The following MAGI2 variants were observed in gnomAD, a reference collection of about 807,000 sequenced individuals.
MAGI2 encodes the protein membrane associated guanylate kinase, WW and PDZ domain containing 2, also known as membrane-associated guanylate kinase, WW and PDZ domain-containing protein 2.
A neutral mutation model predicts 133.3 loss-of-function variants in MAGI2; 35 were observed. The observed-to-expected ratio is 0.26, with a 90% CI of 0.20 to 0.35. MAGI2 has a LOEUF of 0.35. Among genes scored for constraint, MAGI2 ranks in the 10% least tolerant of loss-of-function variants. The pLI is 1.00. For missense variants in MAGI2, 1,636 were observed against 1,863.4 expected (o/e 0.88, Z 2.25); for synonymous variants, 729 against 710.6 (o/e 1.03, Z -0.41).
intron 7 of MAGI2, among the ~76,000 whole-genome samples, chr7:78,364,804 C>T (rs532554133): frequency 2.0e-5 from 3 of 152,294 alleles, no homozygotes; most frequent in Non-Finnish European, 2.9e-5. Flanking sequence ...GTTCAACTCT[C>T]CATTTTGCAT....
chr7:78,400,171 C>G (rs1796727677), intron 6 of MAGI2, among the ~76,000 whole-genome samples: 1 of 152,232 alleles, frequency 6.6e-6, no homozygotes, highest in African/African-American at 2.4e-5. Flanking sequence ...TGTTTGGAAA[C>G]AGTAGGTTCT....
At chr7:78,115,168 G>C (rs1398489296) in intron 20 of MAGI2, among the ~76,000 whole-genome samples, 5 of 152,110 alleles carry the variant, frequency 3.3e-5, no homozygotes, top group Admixed American at 6.5e-5. Flanking sequence ...CTGATTCCTG[G>C]GAACCTTGAG....
At chr7:78,624,137 G>A (rs763910543) in intron 3 of MAGI2, among the ~76,000 whole-genome samples, 23 of 151,940 alleles carry the variant, frequency 1.5e-4, no homozygotes, top group Admixed American at 3.9e-4. Context: ...TGAAGTGTCT[G>A]TTCATGTCAT....
At chr7:78,132,223 A>G (rs1426700221) in intron 18 of MAGI2, among the ~76,000 whole-genome samples, 1 of 152,112 alleles carries the variant, frequency 6.6e-6, no homozygotes, top group Non-Finnish European at 1.5e-5. Flanking sequence ...CCCTACCTCC[A>G]CATCATCATC....
intron 2 of MAGI2, among the ~76,000 whole-genome samples, chr7:78,766,694 A>G (rs546903410): frequency 9.2e-5 from 14 of 152,370 alleles, no homozygotes; most frequent in African/African-American, 2.9e-4. Context: ...TCAAACACCA[A>G]TTAAGGACAC....
chr7:78,232,605 AAT>A (rs1790099490), intron 10 of MAGI2, among the ~76,000 whole-genome samples: 2 of 152,300 alleles, frequency 1.3e-5, no homozygotes, highest in Admixed American at 1.3e-4. Context: ...CAGAAAGCAC[AAT>A]GTGTCTTTCT....
intron 20 of MAGI2, among the ~76,000 whole-genome samples, chr7:78,123,452 A>G (rs1429538944): frequency 6.6e-6 from 1 of 152,232 alleles, no homozygotes; most frequent in African/African-American, 2.4e-5. Context: ...CAATAAAAAA[A>G]GAACAATTAT....
rs1423033322 is a variant in MAGI2, at chr7:78,131,506, G to C, written c.3203+1383C>G. On this transcript the variant is annotated intron_variant, in intron 18 of 21. Coordinates refer to ENST00000354212, the MANE Select transcript of MAGI2 (RefSeq NM_012301.4). ...TCACTTCATCTTCGCCATCATGGGA[G>C]GAGAGGGATGGGAAGCAGATGTTCA... Among the ~76,000 whole-genome samples the C allele has an allele frequency of 2.0e-5, 3 of 152,200 alleles. No homozygotes were observed. In the East Asian group the frequency reaches 5.8e-4, roughly 29 times the overall value.
intron 6 of MAGI2, among the ~76,000 whole-genome samples, chr7:78,396,793 T>C (rs1434188875): frequency 6.6e-6 from 1 of 152,138 alleles, no homozygotes; most frequent in African/African-American, 2.4e-5. Context: ...ATGTGATGTC[T>C]GAAAGGATCA....
chr7:78,772,031 C>T (rs192877788), intron 2 of MAGI2, among the ~76,000 whole-genome samples: 1 of 152,222 alleles, frequency 6.6e-6, no homozygotes, highest in East Asian at 1.9e-4. Flanking sequence ...CCACACAGCA[C>T]CCCAGAGACA....
In MAGI2 at chr7:78,494,885, C is replaced by T. The variant is rs555833213; in HGVS notation, c.966-5045G>A. Among the ~76,000 whole-genome samples the T allele has an allele frequency of 1.9e-4, 29 of 152,160 alleles. No individual in the cohort carries two copies. The South Asian group carries it at 4.8e-3, about 25-fold the overall frequency. ...TAAACTGATAGTTAAATGGTATTTC[C>T]CAGCCTCCCCGCCCCCGGGAAATAC... On this transcript the variant is annotated intron_variant, in intron 5 of 21. Transcript: ENST00000354212.
chr7:79,046,664 A>G (rs1367653361), intron 1 of MAGI2, among the ~76,000 whole-genome samples: 1 of 152,248 alleles, frequency 6.6e-6, no homozygotes, highest in Non-Finnish European at 1.5e-5. Flanking sequence ...TAAGATGTAA[A>G]GTTGAGGACA....
intron 2 of MAGI2, among the ~76,000 whole-genome samples, chr7:78,815,780 A>G (rs946769656): frequency 6.6e-6 from 1 of 152,154 alleles, no homozygotes; most frequent in Non-Finnish European, 1.5e-5. Context: ...TTACTGCTCC[A>G]CCAAATAGCT....
At chr7:78,558,263 A>G (rs1466384654) in intron 3 of MAGI2, among the ~76,000 whole-genome samples, 2 of 152,198 alleles carry the variant, frequency 1.3e-5, no homozygotes, top group Non-Finnish European at 2.9e-5. Context: ...TTAATTTAAA[A>G]AGAAACGTGG....
At chr7:78,036,659 C>T (rs1810262114) in intron 21 of MAGI2, among the ~76,000 whole-genome samples, 1 of 152,014 alleles carries the variant, frequency 6.6e-6, no homozygotes, top group Non-Finnish European at 1.5e-5. Context: ...TGCTCCGTTG[C>T]CTAGGCTGGA....
chr7:79,329,573 T>A (rs1839920733), intron 1 of MAGI2, among the ~76,000 whole-genome samples: 1 of 152,220 alleles, frequency 6.6e-6, no homozygotes, highest in South Asian at 2.1e-4. Flanking sequence ...GACTGCATAA[T>A]GTTCACATTA....
chr7:78,966,832 C>A (rs867889542), intron 2 of MAGI2, among the ~76,000 whole-genome samples: 3 of 120,644 alleles, frequency 2.5e-5, no homozygotes, highest in Non-Finnish European at 4.9e-5. Flanking sequence ...TTTGCCTACA[C>A]GTCTTTTTTT....
In MAGI2 at chr7:78,531,370, C is replaced by T. The variant is rs1797459281; in HGVS notation, c.539-9725G>A. Among the ~76,000 whole-genome samples, 3 of 151,976 alleles carry T rather than the reference C, an allele frequency of 2.0e-5. 1 individual carries two copies. Among genetic ancestry groups the T allele is most frequent in the South Asian group, 4.2e-4 (2 of 4,804 alleles). Reference sequence around the variant, plus strand: ...CTGGGGCTACAGGCATGCACCTCCACGTCGAATTAATTTTTGTATATTTAG... The same window carrying T: ...CTGGGGCTACAGGCATGCACCTCCATGTCGAATTAATTTTTGTATATTTAG... On this transcript the variant is annotated intron_variant, in intron 3 of 21. Transcript: ENST00000354212.
chr7:79,259,866 C>G (rs1165842538), intron 1 of MAGI2, among the ~76,000 whole-genome samples: 1 of 152,112 alleles, frequency 6.6e-6, no homozygotes, highest in Non-Finnish European at 1.5e-5. Flanking sequence ...CTTAAAATAT[C>G]TTTATTTTTT....
Sources: allele counts gnomAD v4.1 joint callset (sites outside exome capture counted in the v4.1 genomes callset), GRCh38; gene constraint gnomAD v4.1.1; transcripts MANE v1.5; gene names NCBI Gene and HGNC (gene_info 2026-07-23, HGNC 2026-07-21).